EIF4H: variants seen among roughly 807,000 people sequenced by gnomAD.
The protein encoded by EIF4H is eukaryotic translation initiation factor 4H, also known as Williams-Beuren syndrome chromosome region 1.
EIF4H carries 8 observed loss-of-function variants against 30.6 expected under a neutral mutation model. The observed-to-expected ratio is 0.26, with a 90% confidence interval of 0.15 to 0.47. The LOEUF is 0.47. EIF4H is among the 20% of genes least tolerant of loss of function. The pLI is 0.99. For missense variants in EIF4H, 188 were observed against 339.5 expected (o/e 0.55, Z 3.51); for synonymous variants, 106 against 122.7 (o/e 0.86, Z 0.90).
rs937835706 is a variant in EIF4H at position 74,193,805 on chromosome 7, G to A, written c.470-936G>A. On this transcript the variant is annotated intron_variant, in intron 5 of 6. Transcript: ENST00000265753. ...TTTTTGTGTTTTTTGTAGAGAGTGA[G>A]TCTCACTGTGTTGCCCAGTCTGGTC... Among the ~76,000 whole-genome samples the A allele has an allele frequency of 3.9e-5, 6 of 152,186 alleles. No homozygotes were observed. The East Asian group carries it at 1.2e-3, about 29-fold the overall frequency.
At chr7:74,176,481 TG>T (rs2115928085) in intron 1 of EIF4H, among the ~76,000 whole-genome samples, 1 of 152,342 alleles carries the variant, frequency 6.6e-6, no homozygotes, top group African/African-American at 2.4e-5. Context: ...TTGCCACCTA[TG>T]GAAAGCAGTT....
intron 5 of EIF4H, among the ~76,000 whole-genome samples, chr7:74,192,668 C>CTTTTTTTTTTT (rs1297031468): frequency 1.1e-5 from 1 of 93,186 alleles, no homozygotes; most frequent in African/African-American, 4.5e-5. Context: ...CTTTATGTGA[C>CTTTTTTTTTTT]TTTTTTTTTT....
intron 3 of EIF4H, 25 bp from the exon 4 acceptor site, chr7:74,189,797 T>TA (rs1286952703): frequency 4.3e-6 from 7 of 1,614,046 alleles, no homozygotes; most frequent in African/African-American, 2.7e-5. Context: ...TGCCAATACT[T>TA]ACACTATTTT....
chr7:74,187,438 T>G (rs1354454024), intron 1 of EIF4H, among the ~76,000 whole-genome samples, 173 bp from the exon 2 acceptor site: 1 of 151,894 alleles, frequency 6.6e-6, no homozygotes, highest in East Asian at 1.9e-4. Context: ...CTCAAAAAAT[T>G]TTTCTTTTCC....
At chr7:74,181,688 C>T (rs528348816) in intron 1 of EIF4H, among the ~76,000 whole-genome samples, 188 of 152,258 alleles carry the variant, frequency 1.2e-3, no homozygotes, top group Non-Finnish European at 2.3e-3. Context: ...AGGTAATCTG[C>T]CTGCCTCGGC....
At chr7:74,183,147 T>C (rs1801002338) in intron 1 of EIF4H, among the ~76,000 whole-genome samples, 1 of 152,260 alleles carries the variant, frequency 6.6e-6, no homozygotes, top group Admixed American at 6.5e-5. Context: ...TCAAGGATTT[T>C]AGTCACACTT....
At chr7:74,185,341 C>A (rs1801058691) in intron 1 of EIF4H, among the ~76,000 whole-genome samples, 1 of 152,162 alleles carries the variant, frequency 6.6e-6, no homozygotes, top group Non-Finnish European at 1.5e-5. Flanking sequence ...TAGTATCTTA[C>A]TGAAAATATT....
rs575067640 is a variant in EIF4H at position 74,194,741 on chromosome 7, G to C, written c.470G>C (p.Gly157Ala). The change falls in exon 6 of 7, where the codon GGC (glycine) becomes GCC (alanine). Residue 157 changes from glycine to alanine, a missense_variant and splice_region_variant. Gly to Ala is a moderately conservative substitution (Grantham distance 60). Around this residue, in one of 4 missense-constraint regions of EIF4H, gnomAD observed 76 missense variants for 85.8 expected, o/e 0.89. Coordinates refer to ENST00000265753, the MANE Select transcript of EIF4H (RefSeq NM_022170.2). The stretch of plus-strand genomic sequence containing the variant: ...ATTCAGTGTCCTGTTTCTTCCTCAG[G>C]CTTCAGGGATGACTTCTTAGGGGGC... The part of the protein sequence containing the change: ...GWDSRDDFNS[G>A]FRDDFLGGRG... 1.0e-5 allele frequency: 16 copies of C among 1,579,090 alleles called. 1 individual carries two copies. The South Asian group carries it at 1.8e-4, about 18-fold the overall frequency.
At chr7:74,194,643 A>G (rs1415300687) in intron 5 of EIF4H, 98 bp from the exon 6 acceptor site, 21 of 1,440,382 alleles carry the variant, frequency 1.5e-5, no homozygotes, top group Non-Finnish European at 1.8e-5. Flanking sequence ...AAACTAAAGA[A>G]TTTAAAATGA....
At chr7:74,181,277 C>T (rs1376869054) in intron 1 of EIF4H, among the ~76,000 whole-genome samples, 3 of 152,114 alleles carry the variant, frequency 2.0e-5, no homozygotes, top group Non-Finnish European at 4.4e-5. Context: ...ATCCTAGTCA[C>T]CTATCCTTCT....
chr7:74,194,836 C>T lies in EIF4H; in HGVS notation c.565C>T (p.Pro189Ser). Residue 189 changes from proline to serine, a missense_variant, in exon 6 of 7, where the codon CCC (proline) becomes TCC (serine). By Grantham distance (74) the Pro-to-Ser change is moderately conservative. Around this residue, in one of 4 missense-constraint regions of EIF4H, gnomAD observed 76 missense variants for 85.8 expected, o/e 0.89. Transcript: ENST00000265753. The part of the protein sequence containing the change: ...PMGSRFRDGP[P>S]LRGSNMDFRE... The stretch of plus-strand genomic sequence containing the variant: ...GGGCAGCCGCTTCAGAGATGGCCCT[C>T]CCCTCCGTGGATCCAACATGGATTT... 5 of 1,603,592 alleles carry T rather than the reference C, an allele frequency of 3.1e-6. No homozygotes were observed. The highest frequency in any genetic ancestry group is 4.3e-6 in the Non-Finnish European group (5 of 1,171,298).
rs112205033 is a variant in EIF4H at position 74,194,675 on chromosome 7, A to G, written c.470-66A>G. Reference sequence around the variant, plus strand: ...ATGAAACTCAAACAATTCCCAGAACATTATTCTATAAGCAGCTTGGAGACG... The same window carrying G: ...ATGAAACTCAAACAATTCCCAGAACGTTATTCTATAAGCAGCTTGGAGACG... On this transcript the variant is annotated intron_variant, in intron 5 of 6. Transcript: ENST00000265753. 6,659 of 1,480,174 alleles carry G rather than the reference A, an allele frequency of 4.5e-3. 222 individuals are homozygous for G. The African/African-American group carries it at 0.076, about 17-fold the overall frequency. 91.7% of individuals were successfully genotyped at this position (1,480,174 alleles called of 1,614,324 possible). A position where few individuals can be genotyped will look rare whatever the true frequency, so the allele number is the denominator to read the frequency against.
intron 3 of EIF4H, 27 bp from the exon 4 acceptor site, chr7:74,189,795 C>G (rs1554709641): frequency 6.2e-7 from 1 of 1,614,102 alleles, no homozygotes; most frequent in East Asian, 2.2e-5. Flanking sequence ...TTTGCCAATA[C>G]TTACACTATT....
intron 2 of EIF4H, 23 bp downstream of exon 2, chr7:74,187,821 G>C (rs1554709403): frequency 6.4e-7 from 1 of 1,564,868 alleles, no homozygotes; most frequent in Admixed American, 1.8e-5. Flanking sequence ...GATTCTTATT[G>C]TATATTACTG....
chr7:74,190,103 T>C, intron 4 of EIF4H, 144 bp from the exon 5 acceptor site: 2 of 1,146,240 alleles, frequency 1.7e-6, no homozygotes, highest in Non-Finnish European at 2.4e-6. Context: ...GCGTTTTTTG[T>C]TTTCTGTTGG....
intron 5 of EIF4H, among the ~76,000 whole-genome samples, chr7:74,194,511 C>T (rs1801297601): frequency 6.6e-6 from 1 of 152,188 alleles, no homozygotes; most frequent in African/African-American, 2.4e-5. Flanking sequence ...CGTTTGTTTG[C>T]TCTCCTAAGA....
chr7:74,189,953 A>AT, intron 4 of EIF4H, 35 bp downstream of exon 4: 1 of 1,608,194 alleles, frequency 6.2e-7, no homozygotes, highest in African/African-American at 1.3e-5. Flanking sequence ...CATCATAAAG[A>AT]TTTGCAGTAT....
intron 2 of EIF4H, among the ~76,000 whole-genome samples, chr7:74,188,926 A>G (rs1554709518): frequency 6.6e-6 from 1 of 152,140 alleles, no homozygotes; most frequent in East Asian, 1.9e-4. Flanking sequence ...GTAAACAGGG[A>G]AAGTTTGGAC....
intron 1 of EIF4H, among the ~76,000 whole-genome samples, chr7:74,174,923 G>T (rs1800803081): frequency 1.3e-5 from 2 of 152,224 alleles, no homozygotes. Context: ...GGGAAGGTCG[G>T]CAGCCAAGAG....
Sources: allele counts gnomAD v4.1 joint callset (sites outside exome capture counted in the v4.1 genomes callset), GRCh38; gene constraint gnomAD v4.1.1; regional missense constraint gnomAD v4.1.1; transcripts MANE v1.5; gene names NCBI Gene and HGNC (gene_info 2026-07-23, HGNC 2026-07-21).